The following PTPRZ1 variants were observed in gnomAD, a reference collection of about 807,000 sequenced individuals.
PTPRZ1 encodes the protein protein tyrosine phosphatase receptor type Z1.
PTPRZ1 carries 82 observed loss-of-function variants against 214.1 expected under a neutral mutation model. The observed-to-expected ratio is 0.38, with a 90% CI of 0.32 to 0.46. The LOEUF is 0.46. Among genes scored for constraint, PTPRZ1 ranks in the 20% least tolerant of loss-of-function variants. The pLI, the probability that PTPRZ1 is intolerant of heterozygous loss-of-function variation, is 1.00. For missense variants in PTPRZ1, 2,603 were observed against 2,748.7 expected (o/e 0.95, Z 1.19); for synonymous variants, 945 against 987.9 (o/e 0.96, Z 0.81).
chr7:121,873,355 CACAT>C lies in PTPRZ1; in HGVS notation c.-142_-139del. On this transcript the variant is annotated 5_prime_UTR_variant, in exon 1 of 30. Coordinates refer to ENST00000393386, the MANE Select transcript of PTPRZ1 (RefSeq NM_002851.3). ...ACACACACACACACACACACAAACA[CACAT>C]ACGCACGCACGATCTCACTTCGATC... The C allele has an allele frequency of 1.4e-6, 1 of 697,948 alleles. No individual in the cohort carries two copies. Among genetic ancestry groups the C allele is most frequent in the Non-Finnish European group, 2.5e-6 (1 of 405,316 alleles). The allele number at this position is 697,948 out of a possible 1,614,324, so 43.2% of individuals were successfully genotyped here.
rs118144508 is a variant in PTPRZ1 at position 121,994,942 on chromosome 7, T to G, written c.929-1440T>G. Among the ~76,000 whole-genome samples the G allele has an allele frequency of 4.4e-3, 663 of 152,284 alleles. 38 individuals carry two copies. In the East Asian group the frequency reaches 0.11, roughly 26 times the overall value. ...CAAAGGTTTGAAGTGAAAAATAATT[T>G]CTAACTGATATAAAGCTATACATGT... is the stretch of plus-strand genomic sequence containing the variant. On this transcript the variant is annotated intron_variant, in intron 8 of 29. Coordinates refer to ENST00000393386, the MANE Select transcript of PTPRZ1 (RefSeq NM_002851.3).
rs769501758 is a variant in PTPRZ1 at position 121,997,874 on chromosome 7, T to G, written c.1114-6T>G. 6.3e-7 allele frequency: 1 copy of G among 1,599,394 alleles called. No homozygotes were observed. Among genetic ancestry groups the G allele is most frequent in the Non-Finnish European group, 8.6e-7 (1 of 1,169,362 alleles). ...ATTTGTATAATTACTAACATCTTTC[T>G]TTTAGGGTGCTATTCTCAATAATTT... On this transcript the variant is annotated splice_region_variant and splice_polypyrimidine_tract_variant and intron_variant, in intron 9 of 29. Coordinates refer to ENST00000393386, the MANE Select transcript of PTPRZ1 (RefSeq NM_002851.3).
In PTPRZ1 at chr7:122,053,907, T is replaced by C. The variant is rs767188718; in HGVS notation, c.6253-3T>C. On this transcript the variant is annotated splice_polypyrimidine_tract_variant and splice_region_variant and intron_variant, in intron 25 of 29. Transcript: ENST00000393386. The stretch of plus-strand genomic sequence containing the variant: ...TGTTTTTGTCTTCTCTTTGGTTTTG[T>C]AGGGCTATTACCAGAGCAATGAATT... The C allele has an allele frequency of 3.7e-6, 6 of 1,612,434 alleles. No individual in the cohort carries two copies. The highest frequency in any genetic ancestry group is 5.1e-6 in the Non-Finnish European group (6 of 1,178,966).
chr7:121,942,751 G>C (rs942468521), intron 2 of PTPRZ1, among the ~76,000 whole-genome samples: 2 of 152,056 alleles, frequency 1.3e-5, no homozygotes, highest in Non-Finnish European at 2.9e-5. Flanking sequence ...ATCACTGCAA[G>C]GTGTTTATAT....
chr7:122,040,207 G>T (rs1799680611), intron 20 of PTPRZ1, among the ~76,000 whole-genome samples: 1 of 152,018 alleles, frequency 6.6e-6, no homozygotes, highest in Non-Finnish European at 1.5e-5. Flanking sequence ...AGTGGAGAGT[G>T]AAACAAGAAA....
At chr7:122,030,342 G>C (rs1418521913) in intron 14 of PTPRZ1, among the ~76,000 whole-genome samples, 1 of 152,014 alleles carries the variant, frequency 6.6e-6, no homozygotes, top group Non-Finnish European at 1.5e-5. Context: ...AAAGGTACTA[G>C]TCTACTTATG....
chr7:121,886,685 G>A (rs1165732564), intron 1 of PTPRZ1, among the ~76,000 whole-genome samples: 1 of 152,102 alleles, frequency 6.6e-6, no homozygotes, highest in Non-Finnish European at 1.5e-5. Flanking sequence ...ATGATTTAAG[G>A]AATCGGATTC....
intron 24 of PTPRZ1, 100 bp downstream of exon 24, chr7:122,051,621 C>A: frequency 2.0e-6 from 2 of 994,420 alleles, no homozygotes; most frequent in Non-Finnish European, 3.0e-6. Flanking sequence ...AAATGGAGCA[C>A]ATTCAAATAT....
At chr7:121,992,332 T>G (rs1797992744) in intron 8 of PTPRZ1, among the ~76,000 whole-genome samples, 1 of 152,334 alleles carries the variant, frequency 6.6e-6, no homozygotes, top group Admixed American at 6.5e-5. Context: ...TAACAAAGAT[T>G]TGTCACAGCC....
At chr7:121,962,789 C>T (rs1796921341) in intron 2 of PTPRZ1, among the ~76,000 whole-genome samples, 1 of 151,972 alleles carries the variant, frequency 6.6e-6, no homozygotes. Flanking sequence ...TGGTCTCGAA[C>T]TCCTGACCTC....
intron 1 of PTPRZ1, among the ~76,000 whole-genome samples, chr7:121,888,357 T>C (rs1414937032): frequency 6.6e-6 from 1 of 151,710 alleles, no homozygotes; most frequent in Non-Finnish European, 1.5e-5. Flanking sequence ...TTGTGAAAAA[T>C]AAAAGTCTAT....
At chr7:122,034,064 T>G (rs1440044569) in intron 15 of PTPRZ1, 31 bp from the exon 16 acceptor site, 1 of 1,568,176 alleles carries the variant, frequency 6.4e-7, no homozygotes. Flanking sequence ...ATTTGATTTC[T>G]TTACTTTTTT....
chr7:121,892,105 G>C (rs181291394), intron 1 of PTPRZ1, among the ~76,000 whole-genome samples: 1 of 152,076 alleles, frequency 6.6e-6, no homozygotes, highest in African/African-American at 2.4e-5. Context: ...CTTATAGTTT[G>C]TTGCTTTATA....
chr7:121,997,817 AC>A, intron 9 of PTPRZ1, 62 bp from the exon 10 acceptor site: 2 of 1,438,314 alleles, frequency 1.4e-6, no homozygotes, highest in Non-Finnish European at 1.9e-6. Flanking sequence ...TAGGAAAGAT[AC>A]CTAGTGTGTT....
Position 122,011,978 on chromosome 7 carries a change from A to T in PTPRZ1, c.2932A>T (p.Thr978Ser). 1 of 1,613,994 alleles carries T rather than the reference A, an allele frequency of 6.2e-7. No individual in the cohort carries two copies. Among genetic ancestry groups the T allele is most frequent in the South Asian group, 1.1e-5 (1 of 91,076 alleles). ...HIPIPKSSLI[T>S]PTASLLQPTH... ...ACCAATACCTAAGTCTTCGTTAATA[A>T]CCCCAACTGCATCATTACTGCAGCC... The change falls in exon 12 of 30, where the codon ACC becomes TCC. Residue 978 changes from threonine to serine, a missense_variant. Physicochemically the swap from Thr to Ser is moderately conservative, Grantham distance 58 (BLOSUM62 1). This residue lies in a region of PTPRZ1 where 1,913 missense variants were observed against 1,914.3 expected (regional missense o/e 1.00). Transcript: ENST00000393386.
Position 121,873,368 on chromosome 7 carries a change from A to G in PTPRZ1, c.-132A>G, listed in dbSNP as rs1218863279. On this transcript the variant is annotated 5_prime_UTR_variant, in exon 1 of 30. Coordinates refer to ENST00000393386, the MANE Select transcript of PTPRZ1 (RefSeq NM_002851.3). ...CACACACAAACACACATACGCACGC[A>G]CGATCTCACTTCGATCTATACACTG... The G allele has an allele frequency of 5.2e-5, 41 of 781,284 alleles. No homozygotes were observed. Among genetic ancestry groups the G allele is most frequent in the Non-Finnish European group, 7.9e-5 (38 of 479,284 alleles). The allele number at this position is 781,284 out of a possible 1,614,324, so 48.4% of individuals were successfully genotyped here. A position where few individuals can be genotyped will look rare whatever the true frequency, so the allele number is the denominator to read the frequency against.
At chr7:121,932,132 CT>C (rs921804588) in intron 2 of PTPRZ1, among the ~76,000 whole-genome samples, 1 of 152,102 alleles carries the variant, frequency 6.6e-6, no homozygotes, top group Non-Finnish European at 1.5e-5. Context: ...TAGCTCAAAA[CT>C]GAGATGACAT....
At chr7:121,874,065 C>CACACACACACACAA (rs1554421850) in intron 1 of PTPRZ1, among the ~76,000 whole-genome samples, 116 of 151,430 alleles carry the variant, frequency 7.7e-4, no homozygotes, top group African/African-American at 2.7e-3. Flanking sequence ...CACACACACA[C>CACACACACACACAA]CTGAAAGGTA....
Position 121,997,821 on chromosome 7 carries a change from A to G in PTPRZ1, c.1114-59A>G, listed in dbSNP as rs1281696327. ...AAAAAGTTTTCTAGGAAAGATACCT[A>G]GTGTGTTGGTAGTCCTATGAGAATA... On this transcript the variant is annotated intron_variant, in intron 9 of 29. Transcript: ENST00000393386. The G allele has an allele frequency of 3.4e-6, 5 of 1,456,100 alleles. No individual in the cohort carries two copies. In the African/African-American group the frequency reaches 4.3e-5, roughly 13 times the overall value. 90.2% of individuals were successfully genotyped at this position (1,456,100 alleles called of 1,614,324 possible).
Sources: allele counts gnomAD v4.1 joint callset (sites outside exome capture counted in the v4.1 genomes callset), GRCh38; gene constraint gnomAD v4.1.1; regional missense constraint gnomAD v4.1.1; transcripts MANE v1.5; gene names NCBI Gene and HGNC (gene_info 2026-07-23, HGNC 2026-07-21).